The following DOK7 variants were observed in gnomAD, a reference collection of about 807,000 sequenced individuals.
The protein encoded by DOK7 is protein Dok-7.
In DOK7, 32 loss-of-function variants were observed where a neutral mutation model predicts 30.7. The observed-to-expected ratio is 1.04, with a 90% CI of 0.79 to 1.40. DOK7 has a LOEUF of 1.40. Ranked by LOEUF, DOK7 falls within the 40% of genes most tolerant of loss-of-function variation. DOK7 has a pLI of 0.00. For missense variants in DOK7, 1,007 were observed against 699.2 expected (o/e 1.44, Z -4.97); for synonymous variants, 447 against 324.1 (o/e 1.38, Z -4.07).
rs373986626 is a variant in DOK7 at position 3,473,557 on chromosome 4, C to G, written c.252C>G (p.Ser84=). 1 of 1,610,544 alleles carries G rather than the reference C, an allele frequency of 6.2e-7. No homozygotes were observed. Among genetic ancestry groups the G allele is most frequent in the African/African-American group, 1.3e-5 (1 of 74,860 alleles). ...LVHTLAIVCL[S]QAIMLGFDSH... Reference sequence around the variant, plus strand: ...ACACGCTGGCCATTGTCTGCCTGTCCCAGGCCATCATGCTGGGCTTTGACA... The same window carrying G: ...ACACGCTGGCCATTGTCTGCCTGTCGCAGGCCATCATGCTGGGCTTTGACA... Residue 84 remains serine (S), a synonymous_variant, in exon 3 of 7, where the codon TCC becomes TCG. Coordinates refer to ENST00000340083, the MANE Select transcript of DOK7 (RefSeq NM_173660.5).
chr4:3,500,546 C>G (rs974855057), intron 7 of DOK7: 34 of 1,480,300 alleles, frequency 2.3e-5, no homozygotes, highest in Non-Finnish European at 3.1e-5. Flanking sequence ...ATGTCCCCAA[C>G]TCCATCCCTG....
Position 3,493,925 on chromosome 4 carries a change from C to T in DOK7, c.*424C>T. On this transcript the variant is annotated 3_prime_UTR_variant, in exon 7 of 7. Transcript: ENST00000340083. ...GGTTCTCCCCATCACCTCTCTGGGG[C>T]AGTCACACCACCTGTTAAGCATCAA... The T allele has an allele frequency of 9.7e-7, 1 of 1,031,364 alleles. No homozygotes were observed. Among genetic ancestry groups the T allele is most frequent in the Non-Finnish European group, 1.2e-6 (1 of 860,842 alleles). The allele number at this position is 1,031,364 out of a possible 1,614,324, so 63.9% of individuals were successfully genotyped here. A position where few individuals can be genotyped will look rare whatever the true frequency, so the allele number is the denominator to read the frequency against.
At chr4:3,490,985 GCTCA>G (rs1329083722) in intron 6 of DOK7, among the ~76,000 whole-genome samples, 1 of 72,968 alleles carries the variant, frequency 1.4e-5, no homozygotes, top group Non-Finnish European at 2.8e-5. Context: ...TTTCCCTCCT[GCTCA>G]TTCATTCCTT....
At chr4:3,498,130 G>A (rs969934029), downstream of DOK7, among the ~76,000 whole-genome samples, 1 of 152,180 alleles carries the variant, frequency 6.6e-6, no homozygotes, top group African/African-American at 2.4e-5. Context: ...CCCAGGGCGG[G>A]GTCTGGGAGG....
chr4:3,492,744 C>T lies in DOK7; in HGVS notation c.773-15C>T. ...TGTACCCCCACAACTGCCTTGGCTTCCTGCTCTGTCTCAGGGGATGACCGC... is the reference window on the plus strand; with the variant it reads ...TGTACCCCCACAACTGCCTTGGCTTTCTGCTCTGTCTCAGGGGATGACCGC... On this transcript the variant is annotated splice_polypyrimidine_tract_variant and intron_variant, in intron 6 of 6. Transcript: ENST00000340083. 2 of 1,611,932 alleles carry T rather than the reference C, an allele frequency of 1.2e-6. No individual in the cohort carries two copies. Among genetic ancestry groups the T allele is most frequent in the Non-Finnish European group, 1.7e-6 (2 of 1,179,960 alleles).
chr4:3,467,850 C>A (rs956619865), intron 2 of DOK7, among the ~76,000 whole-genome samples: 35 of 152,132 alleles, frequency 2.3e-4, no homozygotes, highest in African/African-American at 7.5e-4. Flanking sequence ...CCATGTCCTG[C>A]TGCATAGGTG....
chr4:3,477,155 G>GC (rs36082729), intron 4 of DOK7, among the ~76,000 whole-genome samples: 19,366 of 152,324 alleles, frequency 0.13, 1,284 homozygotes, highest in Middle Eastern at 0.16. Context: ...CGCCGGGGCT[G>GC]TGCAGGAGCA....
chr4:3,476,931 T>A (rs1727130528), intron 4 of DOK7, among the ~76,000 whole-genome samples: 1 of 152,250 alleles, frequency 6.6e-6, no homozygotes, highest in Non-Finnish European at 1.5e-5. Context: ...AACATATTCT[T>A]GGACCAAGAA....
At position 3,494,053 on chromosome 4, in the gene DOK7, A is replaced by C; in HGVS notation, c.*552A>C. On this transcript the variant is annotated 3_prime_UTR_variant, in exon 7 of 7. Transcript: ENST00000340083. ...CATCTATGGGAGGAAACTGAAGCTCAGGAGGCTGTGTGGCTTGCGGGGTCT... is the reference window on the plus strand; with the variant it reads ...CATCTATGGGAGGAAACTGAAGCTCCGGAGGCTGTGTGGCTTGCGGGGTCT... 3.0e-6 allele frequency: 3 copies of C among 987,556 alleles called. No homozygotes were observed. The highest frequency in any genetic ancestry group is 3.6e-6 in the Non-Finnish European group (3 of 831,502). The allele number at this position is 987,556 out of a possible 1,614,324, so 61.2% of individuals were successfully genotyped here. A position where few individuals can be genotyped will look rare whatever the true frequency, so the allele number is the denominator to read the frequency against.
intron 5 of DOK7, among the ~76,000 whole-genome samples, chr4:3,486,354 C>T (rs569187970): frequency 6.6e-5 from 10 of 152,370 alleles, no homozygotes; most frequent in East Asian, 5.8e-4. Flanking sequence ...TCTTGCTCCA[C>T]GAGGGCAGCG....
At position 3,468,130 on chromosome 4, in the gene DOK7, C is replaced by A. The variant is rs150521707; in HGVS notation, c.100+4579C>A. ...TCCACGTGTGTGTGCATGTGAATAC[C>A]TGTGTGTGCAGGTGTGTATGCAAGT... On this transcript the variant is annotated intron_variant, in intron 2 of 6. Transcript: ENST00000340083. Among the ~76,000 whole-genome samples the A allele has an allele frequency of 8.4e-4, 128 of 151,978 alleles. 2 individuals are homozygous for A. The East Asian group carries it at 0.023, about 27-fold the overall frequency.
chr4:3,496,922 G>A, downstream of DOK7: 1 of 1,204,160 alleles, frequency 8.3e-7, no homozygotes, highest in Non-Finnish European at 1.1e-6. Flanking sequence ...GTCTGGGTGG[G>A]CGCAGATGGC....
chr4:3,474,996 C>T (rs1041273297), intron 3 of DOK7, among the ~76,000 whole-genome samples: 4 of 152,206 alleles, frequency 2.6e-5, no homozygotes, highest in African/African-American at 7.2e-5. Flanking sequence ...ATTAAAATAT[C>T]CTGGCCCTTG....
In DOK7 at chr4:3,488,651, T is replaced by C. The variant is rs534509793; in HGVS notation, c.653-1026T>C. Reference sequence around the variant, plus strand: ...TCATGCTGCCACTGCTCCTGGACTTTGGGGAGAGCAGGTCCTTGGACCTGT... The same window carrying C: ...TCATGCTGCCACTGCTCCTGGACTTCGGGGAGAGCAGGTCCTTGGACCTGT... On this transcript the variant is annotated intron_variant, in intron 5 of 6. Transcript: ENST00000340083. 2.6e-5 allele frequency among the ~76,000 whole-genome samples: 4 copies of C among 152,270 alleles called. No homozygotes were observed. The South Asian group carries it at 8.3e-4, about 32-fold the overall frequency.
At position 3,492,968 on chromosome 4, in the gene DOK7, C is replaced by G; in HGVS notation, c.982C>G (p.Gln328Glu). The G allele has an allele frequency of 1.3e-6, 2 of 1,553,380 alleles. No homozygotes were observed. Among genetic ancestry groups the G allele is most frequent in the East Asian group, 2.4e-5 (1 of 41,706 alleles). ...PPKPLRPRQL[Q>E]EVGRQSSSDS... is the part of the protein sequence containing the mutation. Reference sequence around the variant, plus strand: ...CAAGCCGCTGCGTCCGCGGCAGCTGCAGGAGGTTGGCCGCCAGAGCTCCTC... The same window carrying G: ...CAAGCCGCTGCGTCCGCGGCAGCTGGAGGAGGTTGGCCGCCAGAGCTCCTC... The change falls in exon 7 of 7, where the codon CAG becomes GAG. Residue 328 changes from glutamine to glutamate, a missense_variant. Transcript: ENST00000340083.
Position 3,493,993 on chromosome 4 carries a change from C to G in DOK7, c.*492C>G. On this transcript the variant is annotated 3_prime_UTR_variant, in exon 7 of 7. Transcript: ENST00000340083. ...GGCCACCTGGGCTCCACCAGCCCAGCCCCCCTGGGCTCCGTGTGCGCTGGG... is the reference window on the plus strand; with the variant it reads ...GGCCACCTGGGCTCCACCAGCCCAGGCCCCCTGGGCTCCGTGTGCGCTGGG... 2 of 972,706 alleles carry G rather than the reference C, an allele frequency of 2.1e-6. No individual in the cohort carries two copies. The highest frequency in any genetic ancestry group is 2.4e-6 in the Non-Finnish European group (2 of 828,396). The allele number at this position is 972,706 out of a possible 1,614,324, so 60.3% of individuals were successfully genotyped here. A position where few individuals can be genotyped will look rare whatever the true frequency, so the allele number is the denominator to read the frequency against.
At chr4:3,469,220 A>T (rs561925879) in intron 2 of DOK7, among the ~76,000 whole-genome samples, 49 of 150,562 alleles carry the variant, frequency 3.3e-4, no homozygotes, top group African/African-American at 1.1e-3. Flanking sequence ...CCTCTGTGTG[A>T]GTGTGCGTGT....
At chr4:3,485,504 G>A in intron 4 of DOK7, 35 bp from the exon 5 acceptor site, 1 of 1,520,330 alleles carries the variant, frequency 6.6e-7, no homozygotes, top group Non-Finnish European at 8.9e-7. Context: ...CCCGCCCTCG[G>A]GCCAGACTGA....
At chr4:3,465,575 G>T (rs899403708) in intron 2 of DOK7, among the ~76,000 whole-genome samples, 1 of 152,242 alleles carries the variant, frequency 6.6e-6, no homozygotes, top group African/African-American at 2.4e-5. Context: ...TTTTCCACTG[G>T]CACCTTTCTC....
Sources: gnomAD v4.1 joint callset for allele counts (sites outside exome capture counted in the v4.1 genomes callset) on GRCh38, gnomAD v4.1.1 for gene constraint, MANE v1.5 for transcripts, NCBI Gene and HGNC (gene_info 2026-07-23, HGNC 2026-07-21) for gene names.